The following NCKAP5 variants were observed in gnomAD, a reference collection of about 807,000 sequenced individuals.
NCKAP5 encodes the protein nck-associated protein 5.
NCKAP5 carries 92 observed loss-of-function variants against 167.0 expected under a neutral mutation model. That is an observed-to-expected ratio of 0.55 (90% CI 0.47 to 0.66). NCKAP5 has a LOEUF of 0.66. Ranked by LOEUF, NCKAP5 falls within the 30% of genes least tolerant of loss-of-function variation. NCKAP5 has a pLI of 0.00. For synonymous variants in NCKAP5, 891 were observed against 877.4 expected, an observed-to-expected ratio of 1.02 and a Z score of -0.27; for missense variants, 2,378 against 2,315.0, an observed-to-expected ratio of 1.03 and a Z score of -0.56.
chr2:132,963,344 C>A (rs761946019), intron 8 of NCKAP5, among the ~76,000 whole-genome samples: 7 of 152,138 alleles, frequency 4.6e-5, no homozygotes, highest in Admixed American at 1.3e-4. Context: ...ATCATCTTTA[C>A]ATACTATTAA....
chr2:133,489,805 T>C (rs557041513), intron 3 of NCKAP5, among the ~76,000 whole-genome samples: 20 of 152,290 alleles, frequency 1.3e-4, no homozygotes, highest in Admixed American at 3.9e-4. Flanking sequence ...CCATTTGAAA[T>C]GGACACGGTG....
intron 8 of NCKAP5, among the ~76,000 whole-genome samples, chr2:132,959,014 G>T (rs2076424668): frequency 6.8e-6 from 1 of 147,036 alleles, no homozygotes; most frequent in African/African-American, 2.5e-5. Flanking sequence ...GCCCATAGAA[G>T]ATATTTAATA....
intron 3 of NCKAP5, among the ~76,000 whole-genome samples, chr2:133,352,088 T>G (rs1684401967): frequency 6.6e-6 from 1 of 152,184 alleles, no homozygotes; most frequent in Non-Finnish European, 1.5e-5. Flanking sequence ...GGATCCCCCA[T>G]AGCTCGTCAC....
At chr2:132,953,870 C>T (rs1574755512) in intron 8 of NCKAP5, among the ~76,000 whole-genome samples, 1 of 152,124 alleles carries the variant, frequency 6.6e-6, no homozygotes, top group Admixed American at 6.5e-5. Flanking sequence ...CAACTGAAGT[C>T]AAGCCAATGA....
the NCKAP5 span, among the ~76,000 whole-genome samples, chr2:133,577,488 CT>C: frequency 6.6e-6 from 1 of 151,956 alleles, no homozygotes; most frequent in Admixed American, 6.6e-5. Context: ...AGTTTGTTCT[CT>C]TTTTTTCTTC....
intron 6 of NCKAP5, among the ~76,000 whole-genome samples, chr2:133,125,769 G>GGTTA (rs2082384564): frequency 6.6e-6 from 1 of 152,070 alleles, no homozygotes; most frequent in African/African-American, 2.4e-5. Flanking sequence ...AGTTTGTTAT[G>GGTTA]CCTGTCTGAA....
In NCKAP5 at chr2:132,784,950, C is replaced by T. The variant is rs534459284; in HGVS notation, c.1861G>A (p.Val621Met). 57 of 1,608,602 alleles carry T rather than the reference C, an allele frequency of 3.5e-5. No homozygotes were observed. The highest frequency in any genetic ancestry group is 4.4e-5 in the Non-Finnish European group (52 of 1,177,196). The part of the protein sequence containing the change: ...DKSVENLDVL[V>M]GFGKSLCGSP... The stretch of plus-strand genomic sequence containing the variant: ...CCACATAGAGATTTTCCAAACCCCA[C>T]AAGGACATCCAGGTTCTCCACGGAC... Residue 621 changes from valine to methionine, a missense_variant, in exon 14 of 20, where the codon GTG becomes ATG. Physicochemically the swap from Val to Met is conservative, Grantham distance 21. Transcript: ENST00000409261.
At chr2:133,391,716 G>A (rs907016995) in intron 3 of NCKAP5, among the ~76,000 whole-genome samples, 1 of 152,126 alleles carries the variant, frequency 6.6e-6, no homozygotes, top group Non-Finnish European at 1.5e-5. Context: ...TAAGGTGGCT[G>A]ATGGATCTCC....
chr2:132,749,804 G>T (rs1679958067), intron 16 of NCKAP5, among the ~76,000 whole-genome samples: 1 of 152,062 alleles, frequency 6.6e-6, no homozygotes, highest in Non-Finnish European at 1.5e-5. Context: ...CTAGAGTTCT[G>T]ATAGGAACGG....
rs192227582 is a variant in NCKAP5, at chr2:133,529,049, T to G, written c.-61-11462A>C. 1.3e-3 allele frequency among the ~76,000 whole-genome samples: 204 copies of G among 152,354 alleles called. 1 individual carries two copies. Among genetic ancestry groups the G allele is most frequent in the African/African-American group, 4.5e-3 (189 of 41,582 alleles). On this transcript the variant is annotated intron_variant, in intron 2 of 19. Coordinates refer to ENST00000409261, the MANE Select transcript of NCKAP5 (RefSeq NM_207363.3). ...AAAAATCCCAAGTTTCTTCCACATT[T>G]TCTCTTGTGAGAAAGTTTCCACAGC...
chr2:133,184,610 A>G (rs976452798), intron 5 of NCKAP5, among the ~76,000 whole-genome samples: 1 of 152,112 alleles, frequency 6.6e-6, no homozygotes, highest in African/African-American at 2.4e-5. Context: ...CCTTTTCTCA[A>G]CAACCCCTCC....
In NCKAP5 at chr2:133,130,066, G is replaced by A; in HGVS notation, c.253C>T (p.Leu85Phe). Residue 85 changes from leucine to phenylalanine, a missense_variant, in exon 6 of 20, where the codon CTT becomes TTT. Around this residue, in one of 3 missense-constraint regions of NCKAP5, gnomAD observed 1,049 missense variants for 1,023.4 expected, o/e 1.02. Transcript: ENST00000409261. ...HELEEERHLR[L>F]QSEKRLQEVT... is the part of the protein sequence containing the mutation. The stretch of plus-strand genomic sequence containing the variant: ...TCCTGCAACCGCTTCTCGCTTTGAA[G>A]ACGTAAGTGTCTCTCCTCTTCCAGT... 1 of 1,612,112 alleles carries A rather than the reference G, an allele frequency of 6.2e-7. No homozygotes were observed. Among genetic ancestry groups the A allele is most frequent in the Non-Finnish European group, 8.5e-7 (1 of 1,179,238 alleles).
In NCKAP5 at chr2:133,242,401, A is replaced by ATTTGGGT. The variant is rs765396112; in HGVS notation, c.144-28623_144-28622insACCCAAA. 3.0e-3 allele frequency among the ~76,000 whole-genome samples: 453 copies of ATTTGGGT among 152,272 alleles called. 3 individuals carry two copies. The highest frequency in any genetic ancestry group is 0.014 in the Middle Eastern group (4 of 294). ...AGCTCTAGCATGGAGGTGATACCCA[A>ATTTGGGT]ATATAAACAGGGCTGGTTTCAGAAT... On this transcript the variant is annotated intron_variant, in intron 4 of 19. Transcript: ENST00000409261.
At chr2:133,194,046 G>A (rs1013509902) in intron 5 of NCKAP5, among the ~76,000 whole-genome samples, 51 of 152,144 alleles carry the variant, frequency 3.4e-4, no homozygotes, top group African/African-American at 1.2e-3. Context: ...ATGCATAAGT[G>A]CATATGCGTA....
intron 11 of NCKAP5, among the ~76,000 whole-genome samples, chr2:132,836,932 C>T (rs72991348): frequency 0.079 from 11,950 of 152,194 alleles, 685 homozygotes; most frequent in African/African-American, 0.16. Flanking sequence ...TTAAAGCACA[C>T]TCTGTGGTAG....
chr2:132,873,872 C>T (rs1244987866), intron 9 of NCKAP5, among the ~76,000 whole-genome samples: 1 of 152,162 alleles, frequency 6.6e-6, no homozygotes, highest in East Asian at 1.9e-4. Context: ...CCTGCTGATA[C>T]TGTCCATTCA....
intron 6 of NCKAP5, among the ~76,000 whole-genome samples, chr2:132,999,573 A>G (rs1054640474): frequency 2.0e-5 from 3 of 152,216 alleles, no homozygotes; most frequent in African/African-American, 7.2e-5. Context: ...GTAAGACAAC[A>G]CTTGATAATA....
At chr2:133,581,246 G>A in the NCKAP5 span, among the ~76,000 whole-genome samples, 1 of 152,160 alleles carries the variant, frequency 6.6e-6, no homozygotes, top group South Asian at 2.1e-4. Context: ...TGAGTTCCTG[G>A]TGAACAGCAT....
At chr2:133,031,593 C>T (rs765734721) in intron 6 of NCKAP5, among the ~76,000 whole-genome samples, 7 of 151,810 alleles carry the variant, frequency 4.6e-5, no homozygotes, top group South Asian at 2.1e-4. Flanking sequence ...GGTCTGCTGG[C>T]GGGTGGGTGG....
Sources: allele counts gnomAD v4.1 joint callset (sites outside exome capture counted in the v4.1 genomes callset), GRCh38; gene constraint gnomAD v4.1.1; regional missense constraint gnomAD v4.1.1; transcripts MANE v1.5; gene names NCBI Gene and HGNC (gene_info 2026-07-23, HGNC 2026-07-21).